BCL2: variants seen among roughly 807,000 people sequenced by gnomAD.
BCL2 encodes the protein apoptosis regulator Bcl-2.
A neutral mutation model predicts 14.2 loss-of-function variants in BCL2; 1 was observed. That is an observed-to-expected ratio of 0.07 (90% confidence interval 0.02 to 0.33). The LOEUF is 0.33. BCL2 is among the 10% of genes least tolerant of loss of function. The probability of loss-of-function intolerance (pLI) is 0.99; values close to 1 mark genes in which losing one functional copy is unlikely to be tolerated. For missense variants in BCL2, 247 were observed against 305.9 expected, an observed-to-expected ratio of 0.81 and a Z score of 1.44; for synonymous variants, 151 against 137.2, an observed-to-expected ratio of 1.10 and a Z score of -0.70.
intron 2 of BCL2, among the ~76,000 whole-genome samples, chr18:63,177,097 A>G (rs1021515160): frequency 2.0e-5 from 3 of 151,892 alleles, no homozygotes; most frequent in Admixed American, 1.3e-4. Flanking sequence ...TTCTATTTTT[A>G]GTAGAGACGG....
chr18:63,174,820 C>CAA (rs953107518), intron 2 of BCL2, among the ~76,000 whole-genome samples: 6,605 of 72,090 alleles, frequency 0.092, 304 homozygotes, highest in African/African-American at 0.14. Context: ...GACTTTGTCT[C>CAA]AAAAAAAAAA....
At position 63,125,195 on chromosome 18, in the gene BCL2, T is replaced by A. The variant is rs1913879414; in HGVS notation, c.*3430A>T. On this transcript the variant is annotated 3_prime_UTR_variant, in exon 3 of 3. Coordinates refer to ENST00000333681, the MANE Select transcript of BCL2 (RefSeq NM_000633.3). The stretch of plus-strand genomic sequence containing the variant: ...TAAGCATTTACTAATAAAACAAAGA[T>A]CACATATAAATGGAAGGCCACATCT... 1 of 223,598 alleles carries A rather than the reference T, an allele frequency of 4.5e-6. No individual in the cohort carries two copies. The highest frequency in any genetic ancestry group is 2.2e-5 in the African/African-American group (1 of 44,802). 13.9% of individuals were successfully genotyped at this position (223,598 alleles called of 1,614,324 possible).
intron 2 of BCL2, among the ~76,000 whole-genome samples, chr18:63,140,330 G>A (rs999074965): frequency 2.6e-5 from 4 of 152,316 alleles, no homozygotes; most frequent in Middle Eastern, 3.4e-3. Flanking sequence ...ACGTTCACAC[G>A]AAAACTTGTA....
chr18:63,142,539 A>G (rs1914393242), intron 2 of BCL2, among the ~76,000 whole-genome samples: 1 of 152,166 alleles, frequency 6.6e-6, no homozygotes, highest in Non-Finnish European at 1.5e-5. Flanking sequence ...ATCCCACTCA[A>G]AAGCACCCCA....
chr18:63,236,409 G>C lies in BCL2; in HGVS notation c.585+81673C>G, dbSNP rs1364138351. ...AGAGGTGCGGGACAAAAAGCTGACA[G>C]AGTGGGCTCGTGGTCTATTGTCCCA... On this transcript the variant is annotated intron_variant, in intron 2 of 2. Transcript: ENST00000333681. Among the ~76,000 whole-genome samples the C allele has an allele frequency of 2.1e-5, 3 of 139,676 alleles. No individual in the cohort carries two copies. In the Admixed American group the frequency reaches 2.2e-4, roughly 10 times the overall value. The allele number at this position is 139,676 out of a possible 152,430, so 91.6% of individuals were successfully genotyped here. A position where few individuals can be genotyped will look rare whatever the true frequency, so the allele number is the denominator to read the frequency against.
intron 2 of BCL2, among the ~76,000 whole-genome samples, chr18:63,187,164 T>C (rs113427293): frequency 1.2e-4 from 18 of 152,316 alleles, no homozygotes; most frequent in African/African-American, 4.1e-4. Context: ...TTTAGGAAGG[T>C]GAGACAGGTA....
chr18:63,280,572 A>G (rs1239217609), intron 2 of BCL2, among the ~76,000 whole-genome samples: 1 of 152,232 alleles, frequency 6.6e-6, no homozygotes, highest in African/African-American at 2.4e-5. Context: ...CAATCCGCAC[A>G]TAAGAAAGAT....
intron 2 of BCL2, among the ~76,000 whole-genome samples, chr18:63,205,273 C>T (rs915718642): frequency 2.0e-5 from 3 of 152,172 alleles, no homozygotes; most frequent in African/African-American, 2.4e-5. Context: ...ATTATTTGTA[C>T]ACCTGGCTGT....
intron 2 of BCL2, among the ~76,000 whole-genome samples, chr18:63,296,635 C>T (rs1326766650): frequency 1.3e-5 from 2 of 152,086 alleles, no homozygotes; most frequent in East Asian, 1.9e-4. Context: ...CTTGGCTTAA[C>T]TCTTAGGGCA....
intron 2 of BCL2, among the ~76,000 whole-genome samples, chr18:63,197,952 T>C (rs1909494470): frequency 6.6e-6 from 1 of 152,218 alleles, no homozygotes. Flanking sequence ...TTTTCTCCAT[T>C]GAAAATTTCT....
chr18:63,253,580 G>A (rs1035718524), intron 2 of BCL2, among the ~76,000 whole-genome samples: 3 of 152,096 alleles, frequency 2.0e-5, no homozygotes, highest in South Asian at 2.1e-4. Flanking sequence ...AACCTAAGCC[G>A]TTTACAGTAT....
chr18:63,263,475 T>C (rs922807331), intron 2 of BCL2, among the ~76,000 whole-genome samples: 5 of 152,140 alleles, frequency 3.3e-5, no homozygotes, highest in African/African-American at 1.2e-4. Flanking sequence ...GGCTGATGAG[T>C]GGCCCTTCTC....
intron 2 of BCL2, among the ~76,000 whole-genome samples, chr18:63,292,389 T>C (rs1250315611): frequency 1.3e-5 from 2 of 152,184 alleles, no homozygotes; most frequent in Non-Finnish European, 2.9e-5. Flanking sequence ...GTTATGATCA[T>C]CTTAGATATG....
At chr18:63,268,562 TC>T (rs1427204097) in intron 2 of BCL2, among the ~76,000 whole-genome samples, 1 of 152,192 alleles carries the variant, frequency 6.6e-6, no homozygotes, top group East Asian at 1.9e-4. Flanking sequence ...TCTCCAAACC[TC>T]CTTCTGGCTC....
intron 2 of BCL2, among the ~76,000 whole-genome samples, chr18:63,138,478 A>T (rs1914269397): frequency 6.6e-6 from 1 of 152,240 alleles, no homozygotes; most frequent in Middle Eastern, 3.4e-3. Context: ...GGTTTGGGGG[A>T]AAAGGAAAGG....
chr18:63,217,116 TA>T (rs1487605840), intron 2 of BCL2, among the ~76,000 whole-genome samples: 26 of 152,194 alleles, frequency 1.7e-4, no homozygotes, highest in African/African-American at 6.3e-4. Flanking sequence ...GTTTAGTAAA[TA>T]AACTGTGTTT....
At chr18:63,317,644 A>T in intron 2 of BCL2, 1 of 1,019,700 alleles carries the variant, frequency 9.8e-7, no homozygotes, top group African/African-American at 1.7e-5. Context: ...GGCTTGTTTC[A>T]GGGGAGCTTG....
chr18:63,221,053 G>A (rs570770400), intron 2 of BCL2, among the ~76,000 whole-genome samples: 27 of 152,298 alleles, frequency 1.8e-4, no homozygotes, highest in African/African-American at 5.8e-4. Context: ...CCTGGCAAGT[G>A]CTGTCAGATG....
At chr18:63,213,526 C>CCACACACA (rs57343137) in intron 2 of BCL2, among the ~76,000 whole-genome samples, 29 of 147,686 alleles carry the variant, frequency 2.0e-4, no homozygotes, top group South Asian at 8.7e-4. Flanking sequence ...ACACATTAAA[C>CCACACACA]CACACACACA....
Sources: allele counts gnomAD v4.1 joint callset (sites outside exome capture counted in the v4.1 genomes callset), GRCh38; gene constraint gnomAD v4.1.1; transcripts MANE v1.5; gene names NCBI Gene and HGNC (gene_info 2026-07-23, HGNC 2026-07-21).